CST2: variants seen among roughly 807,000 people sequenced by gnomAD.
CST2 encodes cystatin SA, also known as cystatin-SA.
CST2 carries 26 observed loss-of-function variants against 13.4 expected under a neutral mutation model. The observed-to-expected ratio is 1.95, with a 90% confidence interval of 1.43 to 2.70. The LOEUF (loss-of-function observed/expected upper bound fraction) is 2.70. Ranked by LOEUF, CST2 falls within the 30% of genes most tolerant of loss-of-function variation. The probability of loss-of-function intolerance (pLI) is 0.00; values close to 1 mark genes in which losing one functional copy is unlikely to be tolerated. For missense variants in CST2, 243 were observed against 173.4 expected (o/e 1.40, Z -2.25); for synonymous variants, 105 against 71.1 (o/e 1.48, Z -2.40).
In CST2 at chr20:23,824,089, A is replaced by G. The variant is rs767681536; in HGVS notation, c.357T>C (p.Ser119=). ...CCCAGGGAACTTCGTAGATCTGGAA[A>G]GAGCACAACTGTTTCTGTGAAAGGG... ...QPELQKKQLC[S]FQIYEVPWED... The change falls in exon 3 of 3, where the codon TCT becomes TCC. Residue 119 remains serine (S), a synonymous_variant. Transcript: ENST00000304725. The G allele has an allele frequency of 1.5e-5, 25 of 1,613,976 alleles. No individual in the cohort carries two copies. Among genetic ancestry groups the G allele is most frequent in the Non-Finnish European group, 1.6e-5 (19 of 1,179,978 alleles).
At chr20:23,824,223 C>T in intron 2 of CST2, 120 bp from the exon 3 acceptor site, 1 of 957,312 alleles carries the variant, frequency 1.0e-6, no homozygotes, top group Non-Finnish European at 1.6e-6. Flanking sequence ...GGCCCTCACC[C>T]ACCCCTGCTG....
chr20:23,824,427 C>A (rs1472700599), intron 2 of CST2, among the ~76,000 whole-genome samples: 1 of 152,114 alleles, frequency 6.6e-6, no homozygotes, highest in African/African-American at 2.4e-5. Context: ...TCACTTCCCC[C>A]AGCTCCTTCC....
rs1363488822 is a variant in CST2 at position 23,823,877 on chromosome 20, G to A, written c.*143C>T. 1 of 817,222 alleles carries A rather than the reference G, an allele frequency of 1.2e-6. No individual in the cohort carries two copies. Among genetic ancestry groups the A allele is most frequent in the Non-Finnish European group, 2.0e-6 (1 of 508,228 alleles). The allele number at this position is 817,222 out of a possible 1,614,324, so 50.6% of individuals were successfully genotyped here. On this transcript the variant is annotated 3_prime_UTR_variant, in exon 3 of 3. Coordinates refer to ENST00000304725, the MANE Select transcript of CST2 (RefSeq NM_001322.3). The stretch of plus-strand genomic sequence containing the variant: ...GCAGAGTCCCCTGCTGAGCAACAAA[G>A]GCCTCCTGCAGCCTTCTCTGTCTTC...
At position 23,824,010 on chromosome 20, in the gene CST2, G is replaced by A. The variant is rs1984746698; in HGVS notation, c.*10C>T. On this transcript the variant is annotated 3_prime_UTR_variant, in exon 3 of 3. Coordinates refer to ENST00000304725, the MANE Select transcript of CST2 (RefSeq NM_001322.3). ...AGGAGGTGGTCAGTGTGACTCCCTG[G>A]CACAGATCCCTAGGCTTCTTGACAC... 5 of 1,613,816 alleles carry A rather than the reference G, an allele frequency of 3.1e-6. No individual in the cohort carries two copies. In the East Asian group the frequency reaches 6.7e-5, roughly 22 times the overall value.
chr20:23,826,334 T>C, intron 1 of CST2, 99 bp downstream of exon 1: 3 of 943,356 alleles, frequency 3.2e-6, no homozygotes, highest in Non-Finnish European at 5.0e-6. Context: ...GAGCATTAGA[T>C]CATGAATGTA....
chr20:23,826,001 T>G (rs550865922), intron 1 of CST2, among the ~76,000 whole-genome samples: 228 of 152,220 alleles, frequency 1.5e-3, no homozygotes, highest in African/African-American at 5.2e-3. Flanking sequence ...AGAGGCAGGG[T>G]CAGGCGTGCT....
At chr20:23,824,245 AC>A in intron 2 of CST2, 142 bp from the exon 3 acceptor site, 1 of 803,148 alleles carries the variant, frequency 1.2e-6, no homozygotes, top group Non-Finnish European at 2.0e-6. Flanking sequence ...GTCCCAGAGC[AC>A]TGAACTAGAA....
In CST2 at chr20:23,826,525, G is replaced by T; in HGVS notation, c.136C>A (p.Arg46Ser). Residue 46 changes from arginine to serine, a missense_variant, in exon 1 of 3, where the codon CGT becomes AGT. Physicochemically the swap from Arg to Ser is moderately radical, Grantham distance 110. Transcript: ENST00000304725. ...DADLNDERVQ[R>S]ALHFVISEYN... ...TCGCTGATGACAAAGTGAAGGGCAC[G>T]CTGTACCCGCTCATCATTGAGGTCT... 1.2e-6 allele frequency: 2 copies of T among 1,614,126 alleles called. No individual in the cohort carries two copies. Among genetic ancestry groups the T allele is most frequent in the South Asian group, 1.1e-5 (1 of 91,088 alleles).
chr20:23,826,374 T>C lies in CST2; in HGVS notation c.228+59A>G, dbSNP rs1600437594. On this transcript the variant is annotated intron_variant, in intron 1 of 2. Coordinates refer to ENST00000304725, the MANE Select transcript of CST2 (RefSeq NM_001322.3). ...TGTTGATGTGCTGCGAATGCTCTTA[T>C]GGATCGGGCAACAAACAAGGCTGGG... 16 of 1,367,354 alleles carry C rather than the reference T, an allele frequency of 1.2e-5. No homozygotes were observed. In the East Asian group the frequency reaches 3.2e-4, roughly 27 times the overall value. The allele number at this position is 1,367,354 out of a possible 1,614,324, so 84.7% of individuals were successfully genotyped here. A position where few individuals can be genotyped will look rare whatever the true frequency, so the allele number is the denominator to read the frequency against.
chr20:23,824,861 C>T (rs1356374107), intron 2 of CST2, among the ~76,000 whole-genome samples: 1 of 152,068 alleles, frequency 6.6e-6, no homozygotes, highest in African/African-American at 2.4e-5. Flanking sequence ...ACCCTCCTCC[C>T]TCACCACCCC....
Position 23,825,273 on chromosome 20 carries a change from T to G in CST2, c.279A>C (p.Ile93=). Residue 93 remains isoleucine (I), a synonymous_variant, in exon 2 of 3, where the codon ATA becomes ATC. Transcript: ENST00000304725. The stretch of plus-strand genomic sequence containing the variant: ...CCAAGTTGGGCTGGGACTTGGTACA[T>G]ATGGTTCGGCCCACCTCTATGTCGA... ...YFFDIEVGRT[I]CTKSQPNLDT... The G allele has an allele frequency of 6.2e-7, 1 of 1,614,006 alleles. No individual in the cohort carries two copies. Among genetic ancestry groups the G allele is most frequent in the Non-Finnish European group, 8.5e-7 (1 of 1,180,004 alleles).
rs1427215914 is a variant in CST2, at chr20:23,826,609, C to G, written c.52G>C (p.Ala18Pro). The change falls in exon 1 of 3, where the codon GCC becomes CCC. Residue 18 changes from alanine (A) to proline (P), a missense_variant. Physicochemically the swap from Ala to Pro is conservative, Grantham distance 27 (BLOSUM62 -1). Coordinates refer to ENST00000304725, the MANE Select transcript of CST2 (RefSeq NM_001322.3). ...TCCTCCTGGGGGCTCCAGGCCAGGG[C>G]CACAGCCTGGGTGGCCAGCAGGAGC... ...LLLLLATQAVALAWSPQEEDR... is the reference protein window; with the variant it reads ...LLLLLATQAVPLAWSPQEEDR... The G allele has an allele frequency of 1.2e-6, 2 of 1,613,030 alleles. No homozygotes were observed. The highest frequency in any genetic ancestry group is 1.7e-6 in the Non-Finnish European group (2 of 1,179,830).
At chr20:23,826,104 G>T (rs1384606876) in intron 1 of CST2, among the ~76,000 whole-genome samples, 1 of 152,164 alleles carries the variant, frequency 6.6e-6, no homozygotes, top group Non-Finnish European at 1.5e-5. Context: ...CTGTACCCAC[G>T]GGTGTGACTT....
At position 23,824,064 on chromosome 20, in the gene CST2, C is replaced by T. The variant is rs774284264; in HGVS notation, c.382G>A (p.Glu128Lys). 17 of 1,614,100 alleles carry T rather than the reference C, an allele frequency of 1.1e-5. No individual in the cohort carries two copies. The highest frequency in any genetic ancestry group is 2.2e-5 in the East Asian group (1 of 44,870). Reference protein sequence around the residue: ...CSFQIYEVPWEDRMSLVNSRC... With the variant: ...CSFQIYEVPWKDRMSLVNSRC... The stretch of plus-strand genomic sequence containing the variant: ...GAATTCACCAGGGACATTCTGTCCT[C>T]CCAGGGAACTTCGTAGATCTGGAAA... Residue 128 changes from glutamate to lysine, a missense_variant, in exon 3 of 3, where the codon GAG becomes AAG. By Grantham distance (56) the Glu-to-Lys change is moderately conservative. Coordinates refer to ENST00000304725, the MANE Select transcript of CST2 (RefSeq NM_001322.3).
chr20:23,825,296 C>G lies in CST2; in HGVS notation c.256G>C (p.Asp86His), dbSNP rs371142839. The change falls in exon 2 of 3, where the codon GAC (aspartate) becomes CAC (histidine). Residue 86 changes from aspartate to histidine, a missense_variant. Asp to His is a moderately conservative substitution (Grantham distance 81, BLOSUM62 -1). Transcript: ENST00000304725. ...QIVGGVNYFFDIEVGRTICTK... is the reference protein window; with the variant it reads ...QIVGGVNYFFHIEVGRTICTK... ...CATATGGTTCGGCCCACCTCTATGT[C>G]GAAGAAGTAATTCACCCCGCCCACG... 1.5e-5 allele frequency: 22 copies of G among 1,486,066 alleles called. No homozygotes were observed. The South Asian group carries it at 2.7e-4, about 18-fold the overall frequency. The allele number at this position is 1,486,066 out of a possible 1,614,324, so 92.1% of individuals were successfully genotyped here. A position where few individuals can be genotyped will look rare whatever the true frequency, so the allele number is the denominator to read the frequency against.
chr20:23,825,365 T>G (rs1984801498), intron 1 of CST2, 42 bp from the exon 2 acceptor site: 3 of 1,602,986 alleles, frequency 1.9e-6, no homozygotes, highest in South Asian at 2.2e-5. Flanking sequence ...AGCGCCCCCA[T>G]CAGTTCATGC....
At chr20:23,824,322 C>T (rs139957804) in intron 2 of CST2, among the ~76,000 whole-genome samples, 16 of 152,242 alleles carry the variant, frequency 1.1e-4, no homozygotes, top group Non-Finnish European at 5.9e-5. Flanking sequence ...GGGCCCCCAC[C>T]GCAGCCTGCA....
intron 1 of CST2, among the ~76,000 whole-genome samples, chr20:23,825,899 T>C (rs55749542): frequency 0.22 from 33,692 of 152,136 alleles, 4,200 homozygotes; most frequent in East Asian, 0.38. Context: ...CCAATAGCCC[T>C]TCTGAAGCTC....
rs1183561537 is a variant in CST2 at position 23,826,444 on chromosome 20, C to T, written c.217G>A (p.Ala73Thr). ...GAGGCAGCACCCACCTGCTCCCTGG[C>T]TCGTAGCACCCGCAGCAGGCGTCTG... ...YYRRLLRVLR[A>T]REQIVGGVNY... The change falls in exon 1 of 3, where the codon GCC becomes ACC. Residue 73 changes from alanine to threonine, a missense_variant. Physicochemically the swap from Ala to Thr is moderately conservative, Grantham distance 58. Transcript: ENST00000304725. 1.4e-5 allele frequency: 22 copies of T among 1,613,944 alleles called. No individual in the cohort carries two copies. The highest frequency in any genetic ancestry group is 1.7e-5 in the Non-Finnish European group (20 of 1,179,946).
Sources: gnomAD v4.1 joint callset for allele counts (sites outside exome capture counted in the v4.1 genomes callset) on GRCh38, gnomAD v4.1.1 for gene constraint, MANE v1.5 for transcripts, NCBI Gene and HGNC (gene_info 2026-07-23, HGNC 2026-07-21) for gene names.